Variants in NRG1 observed in about 807,000 individuals in gnomAD.
The protein encoded by NRG1 is pro-neuregulin-1, membrane-bound isoform.
A neutral mutation model predicts 63.8 loss-of-function variants in NRG1; 18 were observed. That is an observed-to-expected ratio of 0.28 (90% confidence interval 0.19 to 0.42). The LOEUF is 0.42. Among genes scored for constraint, NRG1 ranks in the 10% least tolerant of loss-of-function variants. NRG1 has a pLI of 1.00. For synonymous variants in NRG1, 302 were observed against 301.3 expected (o/e 1.00, Z -0.02); for missense variants, 762 against 814.7 (o/e 0.94, Z 0.79).
intron 1 of NRG1, among the ~76,000 whole-genome samples, chr8:32,313,305 G>T (rs1323880736): frequency 6.6e-6 from 1 of 152,052 alleles, no homozygotes; most frequent in Admixed American, 6.5e-5. Context: ...TGCTACCTTT[G>T]GTGTGACCTG....
chr8:32,065,847 G>A (rs1342477079), intron 1 of NRG1, among the ~76,000 whole-genome samples: 2 of 152,170 alleles, frequency 1.3e-5, no homozygotes, highest in East Asian at 3.8e-4. Flanking sequence ...TCTGGCACCT[G>A]TTGTTTACTG....
intron 1 of NRG1, among the ~76,000 whole-genome samples, chr8:32,409,316 G>GA (rs1027827383): frequency 5.9e-5 from 9 of 152,050 alleles, no homozygotes; most frequent in Non-Finnish European, 1.2e-4. Context: ...AGAAAATTTA[G>GA]AAAAAACTCT....
At chr8:32,113,473 C>T (rs970768491) in intron 1 of NRG1, among the ~76,000 whole-genome samples, 4 of 152,172 alleles carry the variant, frequency 2.6e-5, no homozygotes, top group Non-Finnish European at 4.4e-5. Flanking sequence ...ACCACCATTT[C>T]CTTGGTTCCT....
At chr8:31,697,924 T>C (rs1159404173) in intron 1 of NRG1, among the ~76,000 whole-genome samples, 5 of 151,034 alleles carry the variant, frequency 3.3e-5, no homozygotes, top group Admixed American at 6.6e-5. Flanking sequence ...AGTTTCACTC[T>C]TTGTTGCCCA....
intron 1 of NRG1, among the ~76,000 whole-genome samples, chr8:31,838,367 A>G (rs193097893): frequency 2.9e-4 from 44 of 152,264 alleles, no homozygotes; most frequent in South Asian, 1.0e-3. Context: ...ACTTTAATAT[A>G]TTGAAGAACT....
intron 1 of NRG1, among the ~76,000 whole-genome samples, chr8:31,994,825 C>T (rs2129633155): frequency 6.6e-6 from 1 of 151,878 alleles, no homozygotes; most frequent in African/African-American, 2.4e-5. Context: ...ACTACTGTGA[C>T]CCAACTTTCT....
chr8:32,749,251 C>A (rs1828197426), intron 7 of NRG1: 2 of 366,288 alleles, frequency 5.5e-6, no homozygotes, highest in African/African-American at 2.1e-5. Context: ...TCTTTCCATT[C>A]CCACACAAGG....
At chr8:32,122,820 T>G (rs1386523765) in intron 1 of NRG1, among the ~76,000 whole-genome samples, 1 of 149,100 alleles carries the variant, frequency 6.7e-6, no homozygotes, top group African/African-American at 2.5e-5. Flanking sequence ...TTCCCCTTCC[T>G]GTGTCCATGT....
At chr8:32,032,300 G>C (rs2199538) in intron 1 of NRG1, among the ~76,000 whole-genome samples, 1 of 151,452 alleles carries the variant, frequency 6.6e-6, no homozygotes, top group Non-Finnish European at 1.5e-5. Flanking sequence ...TCACAGTGTC[G>C]TTCAGGCTGG....
At chr8:32,072,147 A>G (rs1813428108) in intron 1 of NRG1, among the ~76,000 whole-genome samples, 1 of 152,118 alleles carries the variant, frequency 6.6e-6, no homozygotes, top group Non-Finnish European at 1.5e-5. Context: ...TAAGCAAGGT[A>G]TCTTTATCCT....
chr8:32,037,838 G>A (rs956945602), intron 1 of NRG1, among the ~76,000 whole-genome samples: 3 of 152,152 alleles, frequency 2.0e-5, no homozygotes, highest in South Asian at 2.1e-4. Context: ...TTCCCCCACC[G>A]AACTCGGTCT....
chr8:32,319,780 T>C (rs867626503), intron 1 of NRG1, among the ~76,000 whole-genome samples: 18 of 152,156 alleles, frequency 1.2e-4, no homozygotes, highest in African/African-American at 4.3e-4. Context: ...CTCCAATGGA[T>C]TAATGAAGGA....
chr8:32,069,709 G>A (rs943429439), intron 1 of NRG1, among the ~76,000 whole-genome samples: 1 of 152,122 alleles, frequency 6.6e-6, no homozygotes, highest in Non-Finnish European at 1.5e-5. Context: ...TAGAACCCAA[G>A]GGTGCAGAAA....
At chr8:32,105,631 GT>G (rs1039585613) in intron 1 of NRG1, among the ~76,000 whole-genome samples, 3 of 151,886 alleles carry the variant, frequency 2.0e-5, no homozygotes, top group African/African-American at 4.8e-5. Context: ...CAGTTGAATA[GT>G]TTTTTTTAAA....
chr8:31,817,249 G>A (rs1363790327), intron 1 of NRG1, among the ~76,000 whole-genome samples: 1 of 152,208 alleles, frequency 6.6e-6, no homozygotes, highest in East Asian at 1.9e-4. Context: ...TCTCACCATG[G>A]AATAATGCTT....
At chr8:31,654,478 A>T (rs1484971038) in intron 1 of NRG1, among the ~76,000 whole-genome samples, 1 of 152,256 alleles carries the variant, frequency 6.6e-6, no homozygotes, top group Non-Finnish European at 1.5e-5. Context: ...GTAAAGAATC[A>T]TGATACGTGT....
At chr8:32,324,615 G>A (rs7010701) in intron 1 of NRG1, among the ~76,000 whole-genome samples, 28,741 of 152,088 alleles carry the variant, frequency 0.19, 3,061 homozygotes, top group Middle Eastern at 0.31. Flanking sequence ...ATACTTTAAT[G>A]TCTGTGGTTG....
chr8:32,648,230 A>T, intron 5 of NRG1: 1 of 1,614,074 alleles, frequency 6.2e-7, no homozygotes, highest in East Asian at 2.2e-5. Context: ...CATCAGCGGC[A>T]CCGACACCGA....
At chr8:32,748,736 T>G (rs1464130700) in intron 7 of NRG1, 2 of 454,422 alleles carry the variant, frequency 4.4e-6, no homozygotes, top group Non-Finnish European at 8.8e-6. Context: ...AGTAATAAGA[T>G]GAAAAACCCT....
Sources: gnomAD v4.1 joint callset for allele counts (sites outside exome capture counted in the v4.1 genomes callset) on GRCh38, gnomAD v4.1.1 for gene constraint, MANE v1.5 for transcripts, NCBI Gene and HGNC (gene_info 2026-07-23, HGNC 2026-07-21) for gene names.